The following EPS15L1 variants were observed in gnomAD, a reference collection of about 807,000 sequenced individuals.
EPS15L1 encodes epidermal growth factor receptor pathway substrate 15 like 1, also known as epidermal growth factor receptor substrate 15-like 1.
Under a neutral mutation model 117.1 loss-of-function variants are expected in EPS15L1, and 43 were observed. The ratio of observed to expected loss-of-function variants is 0.37; its 90% CI spans 0.29 to 0.47. EPS15L1 has a LOEUF of 0.47. Among genes scored for constraint, EPS15L1 ranks in the 20% least tolerant of loss-of-function variants. The probability of loss-of-function intolerance (pLI) is 0.99; values close to 1 mark genes in which losing one functional copy is unlikely to be tolerated. For synonymous variants in EPS15L1, 459 were observed against 470.5 expected (o/e 0.98, Z 0.32); for missense variants, 981 against 1,164.0 (o/e 0.84, Z 2.29).
chr19:16,419,582 ACCT>A (rs2092794618), intron 10 of EPS15L1, among the ~76,000 whole-genome samples: 1 of 152,160 alleles, frequency 6.6e-6, no homozygotes, highest in East Asian at 1.9e-4. Context: ...TCAACGAGGG[ACCT>A]CGTTTCCCAC....
intron 15 of EPS15L1, among the ~76,000 whole-genome samples, chr19:16,403,020 G>A (rs78918233): frequency 0.086 from 13,026 of 152,228 alleles, 684 homozygotes; most frequent in Non-Finnish European, 0.11. Context: ...CCATGCTTGC[G>A]ATCAACTGTG....
chr19:16,462,970 G>A (rs1246894905), intron 1 of EPS15L1, among the ~76,000 whole-genome samples: 3 of 152,202 alleles, frequency 2.0e-5, no homozygotes, highest in South Asian at 4.1e-4. Context: ...TGACTTCCAC[G>A]AGTGTGTCAC....
chr19:16,431,895 T>C (rs2092931492), intron 7 of EPS15L1, among the ~76,000 whole-genome samples: 1 of 152,252 alleles, frequency 6.6e-6, no homozygotes, highest in African/African-American at 2.4e-5. Context: ...ACAACATGGT[T>C]TGTTGAACTG....
intron 1 of EPS15L1, among the ~76,000 whole-genome samples, chr19:16,442,838 C>T (rs1302531952): frequency 6.6e-6 from 1 of 152,220 alleles, no homozygotes; most frequent in Non-Finnish European, 1.5e-5. Flanking sequence ...TTCCCGACAC[C>T]TCAGAGCCCC....
intron 15 of EPS15L1, 67 bp downstream of exon 15, chr19:16,403,666 T>C (rs2092625024): frequency 7.0e-7 from 1 of 1,433,048 alleles, no homozygotes; most frequent in Non-Finnish European, 9.7e-7. Context: ...AGTTCAGCAG[T>C]GGCAGCCTCG....
At chr19:16,395,306 C>G in intron 17 of EPS15L1, 38 bp downstream of exon 17, 2 of 1,591,884 alleles carry the variant, frequency 1.3e-6, no homozygotes, top group Non-Finnish European at 1.7e-6. Context: ...ATAAAACACA[C>G]AGTCTTTCAA....
At chr19:16,393,181 G>A (rs1206889935) in intron 18 of EPS15L1, among the ~76,000 whole-genome samples, 1 of 151,732 alleles carries the variant, frequency 6.6e-6, no homozygotes, top group Non-Finnish European at 1.5e-5. Context: ...GCCAGGGGTT[G>A]CGGGAGGGAA....
intron 21 of EPS15L1, among the ~76,000 whole-genome samples, chr19:16,378,676 T>G (rs1568400832): frequency 6.6e-6 from 1 of 152,086 alleles, no homozygotes; most frequent in Non-Finnish European, 1.5e-5. Context: ...CCTGGGGGGA[T>G]GCTTGTCCCT....
rs149676682 is a variant in EPS15L1, at chr19:16,370,913, C to G, written c.2380+6209G>C. Among the ~76,000 whole-genome samples, 391 of 152,266 alleles carry G rather than the reference C, an allele frequency of 2.6e-3. 2 individuals are homozygous for G. The highest frequency in any genetic ancestry group is 7.5e-3 in the African/African-American group (311 of 41,536). On this transcript the variant is annotated intron_variant, in intron 22 of 23. Coordinates refer to ENST00000455140, the MANE Select transcript of EPS15L1 (RefSeq NM_001258374.3). The surrounding 1 kb of genome is among the most constrained non-coding windows in gnomAD (Gnocchi z 5.2). The stretch of plus-strand genomic sequence containing the variant: ...CCACCTGGTTGGCCGTTTTAGGCTC[C>G]TTGGGACCCCCTCCCCATCCTGGCT...
chr19:16,385,789 G>A (rs8100142), intron 20 of EPS15L1, among the ~76,000 whole-genome samples: 2,412 of 152,316 alleles, frequency 0.016, 71 homozygotes, highest in African/African-American at 0.056. Flanking sequence ...ACTGTGAGAT[G>A]AGGTTCCTTC....
chr19:16,458,609 G>C (rs550883264), intron 1 of EPS15L1, among the ~76,000 whole-genome samples: 1 of 152,142 alleles, frequency 6.6e-6, no homozygotes, highest in East Asian at 1.9e-4. Flanking sequence ...TAAGGTCCAA[G>C]CCCTGAGCCC....
chr19:16,458,747 CACAT>C (rs539313080), intron 1 of EPS15L1, among the ~76,000 whole-genome samples: 52 of 152,264 alleles, frequency 3.4e-4, no homozygotes, highest in Middle Eastern at 3.4e-3. Context: ...CAGGCTCACC[CACAT>C]ACACTCACAC....
chr19:16,439,180 G>A (rs1295939299), intron 4 of EPS15L1, among the ~76,000 whole-genome samples: 3 of 151,818 alleles, frequency 2.0e-5, no homozygotes, highest in East Asian at 1.9e-4. Context: ...TGCTAGGATC[G>A]GCCTTTCTCA....
chr19:16,377,079 G>T (rs754248569), intron 22 of EPS15L1, 43 bp downstream of exon 22: 23 of 1,557,262 alleles, frequency 1.5e-5, no homozygotes, highest in Non-Finnish European at 2.0e-5. Context: ...CCCGCCATCC[G>T]GCACCGGTAG....
At chr19:16,446,260 C>G (rs868618905) in intron 1 of EPS15L1, among the ~76,000 whole-genome samples, 7 of 152,138 alleles carry the variant, frequency 4.6e-5, no homozygotes, top group African/African-American at 1.7e-4. Context: ...TGTGTTCTAA[C>G]GACTCCTAAG....
chr19:16,428,178 G>A (rs909276118), intron 8 of EPS15L1, among the ~76,000 whole-genome samples: 1 of 147,562 alleles, frequency 6.8e-6, no homozygotes, highest in Non-Finnish European at 1.5e-5. Context: ...TCCAGCCTGT[G>A]TGACAGAGCA....
intron 1 of EPS15L1, among the ~76,000 whole-genome samples, chr19:16,450,477 CTTT>C (rs768287701): frequency 1.8e-5 from 2 of 108,170 alleles, no homozygotes; most frequent in East Asian, 2.6e-4. Context: ...TGTCCATCTT[CTTT>C]TTTTTTTTTT....
intron 1 of EPS15L1, among the ~76,000 whole-genome samples, chr19:16,461,322 A>G (rs1330377194): frequency 7.2e-6 from 1 of 138,004 alleles, no homozygotes; most frequent in Non-Finnish European, 1.6e-5. Flanking sequence ...AAAAAAAAAA[A>G]GAAAGAAAGA....
chr19:16,419,092 A>C (rs2092789525), intron 10 of EPS15L1, among the ~76,000 whole-genome samples: 1 of 152,234 alleles, frequency 6.6e-6, no homozygotes, highest in African/African-American at 2.4e-5. Context: ...AGATGGGCCA[A>C]GGCAGCATCT....
Sources: gnomAD v4.1 joint callset for allele counts (sites outside exome capture counted in the v4.1 genomes callset) on GRCh38, gnomAD v4.1.1 for gene constraint, Gnocchi (gnomAD v3.1) non-coding constraint, MANE v1.5 for transcripts, NCBI Gene and HGNC (gene_info 2026-07-23, HGNC 2026-07-21) for gene names.